The following MUSK variants were observed in gnomAD, a reference collection of about 807,000 sequenced individuals.
MUSK encodes the protein muscle associated receptor tyrosine kinase.
MUSK carries 55 observed loss-of-function variants against 88.7 expected under a neutral mutation model. That is an observed-to-expected ratio of 0.62 (90% CI 0.50 to 0.78). MUSK has a LOEUF of 0.78. Among genes scored for constraint, MUSK ranks in the 30% least tolerant of loss-of-function variants. The pLI, the probability that MUSK is intolerant of heterozygous loss-of-function variation, is 0.00. For missense variants in MUSK, 1,015 were observed against 1,074.3 expected (o/e 0.94, Z 0.77); for synonymous variants, 387 against 391.9 (o/e 0.99, Z 0.15).
At chr9:110,720,020 A>G (rs559145415) in intron 5 of MUSK, among the ~76,000 whole-genome samples, 1 of 152,090 alleles carries the variant, frequency 6.6e-6, no homozygotes, top group Non-Finnish European at 1.5e-5. Flanking sequence ...TCAAGATGGA[A>G]ATTTAAAAAT....
chr9:110,695,399 T>A lies in MUSK; in HGVS notation c.359-4T>A. 1.3e-6 allele frequency: 2 copies of A among 1,483,662 alleles called. No homozygotes were observed. Among genetic ancestry groups the A allele is most frequent in the Non-Finnish European group, 1.8e-6 (2 of 1,100,774 alleles). The allele number at this position is 1,483,662 out of a possible 1,614,324, so 91.9% of individuals were successfully genotyped here. ...ATTTATTTTGAATTTTCATTTCTTT[T>A]TAGAACCTAAAATAACTCGTCCTCC... On this transcript the variant is annotated splice_polypyrimidine_tract_variant and splice_region_variant and intron_variant, in intron 3 of 14. Transcript: ENST00000374448.
intron 6 of MUSK, among the ~76,000 whole-genome samples, chr9:110,739,493 G>A (rs906569873): frequency 7.2e-5 from 11 of 152,092 alleles, no homozygotes; most frequent in South Asian, 2.1e-4. Context: ...CTAATACAAC[G>A]TGGCCTAGGA....
intron 12 of MUSK, 107 bp from the exon 13 acceptor site, chr9:110,785,420 C>T: frequency 9.8e-7 from 1 of 1,016,238 alleles, no homozygotes; most frequent in Non-Finnish European, 1.4e-6. Context: ...CTTAGTATAA[C>T]TTGTTTTCAT....
chr9:110,747,492 T>C, intron 6 of MUSK, 149 bp from the exon 7 acceptor site: 1 of 714,490 alleles, frequency 1.4e-6, no homozygotes, highest in Non-Finnish European at 2.3e-6. Context: ...TGCAAGGGCA[T>C]GGACACAGGG....
chr9:110,690,199 T>TATATATTTAAGTATAAATATATAA (rs2076315227), intron 3 of MUSK, among the ~76,000 whole-genome samples: 3 of 22,136 alleles, frequency 1.4e-4, no homozygotes, highest in African/African-American at 5.6e-4. Flanking sequence ...TATATATAAA[T>TATATATTTAAGTATAAATATATAA]ATATATAAAT....
intron 1 of MUSK, among the ~76,000 whole-genome samples, chr9:110,680,637 C>A (rs191701999): frequency 6.6e-6 from 1 of 151,830 alleles, no homozygotes. Flanking sequence ...CTGCCCTCCT[C>A]GGCCTCCCAA....
chr9:110,695,922 G>T (rs116690976), intron 4 of MUSK, among the ~76,000 whole-genome samples: 3,238 of 152,070 alleles, frequency 0.021, 120 homozygotes, highest in African/African-American at 0.074. Flanking sequence ...GACAAGGTTC[G>T]GAAGAAAAGA....
chr9:110,704,881 A>G (rs994135639), intron 5 of MUSK, among the ~76,000 whole-genome samples: 1 of 151,746 alleles, frequency 6.6e-6, no homozygotes, highest in Non-Finnish European at 1.5e-5. Context: ...GCTACTCAGG[A>G]GGCTGAGGCA....
intron 3 of MUSK, among the ~76,000 whole-genome samples, chr9:110,688,290 A>T (rs923463832): frequency 1.3e-5 from 2 of 152,100 alleles, no homozygotes; most frequent in African/African-American, 2.4e-5. Flanking sequence ...ACAGCCATGA[A>T]ATAGAACCAC....
chr9:110,789,914 T>C (rs1159161869), intron 14 of MUSK, among the ~76,000 whole-genome samples: 3 of 152,160 alleles, frequency 2.0e-5, no homozygotes, highest in East Asian at 1.9e-4. Flanking sequence ...TCCAAGGCTA[T>C]TGCAGTACAC....
intron 7 of MUSK, 53 bp downstream of exon 7, chr9:110,747,853 T>A: frequency 6.4e-7 from 1 of 1,566,512 alleles, no homozygotes; most frequent in African/African-American, 1.4e-5. Flanking sequence ...GAGTTGATAC[T>A]ATTCTACAAT....
At chr9:110,688,049 T>A (rs913584735) in intron 3 of MUSK, among the ~76,000 whole-genome samples, 3 of 152,150 alleles carry the variant, frequency 2.0e-5, no homozygotes, top group African/African-American at 4.8e-5. Context: ...CAAACACTAG[T>A]AGGTAATCTC....
intron 1 of MUSK, among the ~76,000 whole-genome samples, chr9:110,674,582 C>A (rs1479175483): frequency 1.3e-5 from 2 of 151,802 alleles, no homozygotes; most frequent in Non-Finnish European, 2.9e-5. Flanking sequence ...AGGATAGATT[C>A]CCAGAGATGA....
chr9:110,782,166 A>G (rs2077771017), intron 11 of MUSK, among the ~76,000 whole-genome samples: 1 of 152,214 alleles, frequency 6.6e-6, no homozygotes, highest in Non-Finnish European at 1.5e-5. Context: ...GCATTTACAT[A>G]TGGATGAATG....
rs1425824849 is a variant in MUSK, at chr9:110,805,542, T to A, written c.*4554T>A. On this transcript the variant is annotated 3_prime_UTR_variant, in exon 15 of 15. Transcript: ENST00000374448. ...TTCTTGTTGCTTTGTAAGAGCACTT[T>A]ATATATTAAGGAGTTAAATTTTGTG... 6.6e-6 allele frequency among the ~76,000 whole-genome samples: 1 copy of A among 152,024 alleles called. No individual in the cohort carries two copies. The highest frequency in any genetic ancestry group is 1.5e-5 in the Non-Finnish European group (1 of 67,850).
Position 110,803,432 on chromosome 9 carries a change from G to A in MUSK, c.*2444G>A, listed in dbSNP as rs491505. Among the ~76,000 whole-genome samples, 12,738 of 152,186 alleles carry A rather than the reference G, an allele frequency of 0.084. 1,262 individuals are homozygous for A. Among genetic ancestry groups the A allele is most frequent in the African/African-American group, 0.23 (9,585 of 41,506 alleles). On this transcript the variant is annotated 3_prime_UTR_variant, in exon 15 of 15. Coordinates refer to ENST00000374448, the MANE Select transcript of MUSK (RefSeq NM_005592.4). ...CACAGAGAGATTGTGCAACTGGCCC[G>A]AGTGCACACAGCAACAGAGCCTACT...
At chr9:110,669,798 T>C (rs1043443613) in intron 1 of MUSK, among the ~76,000 whole-genome samples, 2 of 152,228 alleles carry the variant, frequency 1.3e-5, no homozygotes, top group African/African-American at 2.4e-5. Context: ...CTGAAATCTT[T>C]TTTTAAAAAG....
At chr9:110,670,144 T>C (rs1274390804) in intron 1 of MUSK, among the ~76,000 whole-genome samples, 1 of 152,206 alleles carries the variant, frequency 6.6e-6, no homozygotes, top group Non-Finnish European at 1.5e-5. Flanking sequence ...TCCATTTTAC[T>C]TGAGTATAAT....
intron 14 of MUSK, among the ~76,000 whole-genome samples, chr9:110,789,257 G>C (rs1044154036): frequency 6.6e-6 from 1 of 152,220 alleles, no homozygotes; most frequent in African/African-American, 2.4e-5. Flanking sequence ...GGGCCAGGTG[G>C]TGGTAGTGAA....
Sources: allele counts gnomAD v4.1 joint callset (sites outside exome capture counted in the v4.1 genomes callset), GRCh38; gene constraint gnomAD v4.1.1; transcripts MANE v1.5; gene names NCBI Gene and HGNC (gene_info 2026-07-23, HGNC 2026-07-21).